Variants in ASXL3 observed in about 807,000 individuals in gnomAD.
ASXL3 encodes the protein putative Polycomb group protein ASXL3.
Under a neutral mutation model 170.6 loss-of-function variants are expected in ASXL3, and 34 were observed. That is an observed-to-expected ratio of 0.20 (90% CI 0.15 to 0.27). ASXL3 has a LOEUF of 0.27. Ranked by LOEUF, ASXL3 falls within the 10% of genes least tolerant of loss-of-function variation. The pLI, the probability that ASXL3 is intolerant of heterozygous loss-of-function variation, is 1.00. For missense variants in ASXL3, 2,592 were observed against 2,695.3 expected (o/e 0.96, Z 0.85); for synonymous variants, 1,002 against 989.1 (o/e 1.01, Z -0.24).
intron 8 of ASXL3, among the ~76,000 whole-genome samples, chr18:33,713,277 G>A (rs1370743442): frequency 9.7e-4 from 60 of 61,858 alleles, no homozygotes; most frequent in Non-Finnish European, 1.3e-3. Context: ...TTTTTTTTGA[G>A]ACAGGGTCTT....
Position 33,650,420 on chromosome 18 carries a change from C to T in ASXL3, c.355+4067C>T, listed in dbSNP as rs546242579. Reference sequence around the variant, plus strand: ...GGTGTAGAAAAGAAAAAGGCTACCACCTGAGAGCATTCCAGAGGAACCAGT... The same window carrying T: ...GGTGTAGAAAAGAAAAAGGCTACCATCTGAGAGCATTCCAGAGGAACCAGT... On this transcript the variant is annotated intron_variant, in intron 4 of 11. Transcript: ENST00000269197. Among the ~76,000 whole-genome samples, 21 of 152,098 alleles carry T rather than the reference C, an allele frequency of 1.4e-4. No homozygotes were observed. In the South Asian group the frequency reaches 2.7e-3, roughly 20 times the overall value.
chr18:33,610,663 C>T (rs1483861230), intron 2 of ASXL3, among the ~76,000 whole-genome samples: 1 of 151,992 alleles, frequency 6.6e-6, no homozygotes, highest in Non-Finnish European at 1.5e-5. Context: ...ACTCCTGGCT[C>T]TCGGCAGATA....
chr18:33,716,956 C>T (rs1218274344), intron 8 of ASXL3, among the ~76,000 whole-genome samples: 2 of 150,044 alleles, frequency 1.3e-5, no homozygotes, highest in Non-Finnish European at 3.0e-5. Context: ...TTTATATTTA[C>T]CTCTGTTCTT....
chr18:33,673,231 T>A (rs753053539), intron 7 of ASXL3, among the ~76,000 whole-genome samples: 30 of 152,110 alleles, frequency 2.0e-4, no homozygotes, highest in Non-Finnish European at 3.2e-4. Context: ...GCTACCAACC[T>A]CTGTAAAGTT....
chr18:33,714,239 A>G (rs915215288), intron 8 of ASXL3, among the ~76,000 whole-genome samples: 19 of 152,250 alleles, frequency 1.2e-4, no homozygotes, highest in African/African-American at 2.9e-4. Flanking sequence ...CTCTGTGTTC[A>G]TACTTTGTGT....
intron 2 of ASXL3, among the ~76,000 whole-genome samples, chr18:33,640,694 A>T (rs1325104742): frequency 1.3e-5 from 2 of 152,156 alleles, no homozygotes; most frequent in African/African-American, 4.8e-5. Context: ...CTCTTAAAAT[A>T]TATTCTTTAT....
intron 11 of ASXL3, among the ~76,000 whole-genome samples, chr18:33,741,771 G>T (rs1018175269): frequency 2.0e-5 from 3 of 152,130 alleles, no homozygotes; most frequent in African/African-American, 7.2e-5. Context: ...AAGTCCAAAG[G>T]CTCTAGTCAC....
intron 1 of ASXL3, among the ~76,000 whole-genome samples, chr18:33,606,042 T>C (rs2065244524): frequency 6.6e-6 from 1 of 152,056 alleles, no homozygotes; most frequent in African/African-American, 2.4e-5. Flanking sequence ...TTAAAACTTC[T>C]GTCAGCTTTT....
chr18:33,672,750 G>A (rs933665361), intron 7 of ASXL3, among the ~76,000 whole-genome samples: 1 of 152,128 alleles, frequency 6.6e-6, no homozygotes, highest in Admixed American at 6.5e-5. Flanking sequence ...TATTTGCAGA[G>A]TGTATTTGTT....
At chr18:33,679,947 T>G (rs2066488064) in intron 7 of ASXL3, among the ~76,000 whole-genome samples, 1 of 152,018 alleles carries the variant, frequency 6.6e-6, no homozygotes, top group African/African-American at 2.4e-5. Flanking sequence ...AAATACTTTT[T>G]TATTGTTGAT....
chr18:33,705,100 T>C (rs946701670), intron 8 of ASXL3, among the ~76,000 whole-genome samples: 10 of 151,770 alleles, frequency 6.6e-5, no homozygotes, highest in African/African-American at 2.4e-4. Context: ...TAGGTATATT[T>C]ATCATATTAA....
At chr18:33,643,959 T>A (rs2145197263) in intron 2 of ASXL3, among the ~76,000 whole-genome samples, 1 of 151,974 alleles carries the variant, frequency 6.6e-6, no homozygotes. Context: ...AAAATGTATA[T>A]GGATGTATAA....
chr18:33,641,863 C>T (rs2065851351), intron 2 of ASXL3: 1 of 152,406 alleles, frequency 6.6e-6, no homozygotes, highest in Admixed American at 6.6e-5. Flanking sequence ...TAAATTAAAA[C>T]TTGGATGTTT....
chr18:33,608,799 GCTGA>G (rs1171168552), intron 2 of ASXL3, among the ~76,000 whole-genome samples: 1 of 151,928 alleles, frequency 6.6e-6, no homozygotes, highest in Non-Finnish European at 1.5e-5. Flanking sequence ...TCCTTCTGAG[GCTGA>G]CTTTTTGTGA....
chr18:33,628,030 A>G (rs1332878990), intron 2 of ASXL3, among the ~76,000 whole-genome samples: 3 of 152,138 alleles, frequency 2.0e-5, no homozygotes, highest in African/African-American at 7.2e-5. Context: ...GTTCAATGTC[A>G]TTTTGGCAAA....
At chr18:33,661,473 G>A (rs2066172456) in intron 4 of ASXL3, 143 bp from the exon 5 acceptor site, 1 of 707,588 alleles carries the variant, frequency 1.4e-6, no homozygotes, top group Non-Finnish European at 2.3e-6. Context: ...TTCTTCATAT[G>A]TAGATACTAT....
chr18:33,670,502 G>A (rs1412511165), intron 5 of ASXL3, among the ~76,000 whole-genome samples, 171 bp from the exon 6 acceptor site: 1 of 152,056 alleles, frequency 6.6e-6, no homozygotes, highest in Non-Finnish European at 1.5e-5. Context: ...TGCTTTTGAG[G>A]GAAAATGACA....
intron 1 of ASXL3, among the ~76,000 whole-genome samples, chr18:33,605,234 C>T (rs998592305): frequency 3.3e-5 from 5 of 151,962 alleles, no homozygotes; most frequent in African/African-American, 7.2e-5. Context: ...TGGCTTGCCC[C>T]ACTCAGTGTA....
intron 2 of ASXL3, among the ~76,000 whole-genome samples, chr18:33,620,192 T>C (rs2065488303): frequency 6.6e-6 from 1 of 152,162 alleles, no homozygotes; most frequent in African/African-American, 2.4e-5. Context: ...TGTGGCTATC[T>C]TAAATTCATA....
Sources: gnomAD v4.1 joint callset for allele counts (sites outside exome capture counted in the v4.1 genomes callset) on GRCh38, gnomAD v4.1.1 for gene constraint, MANE v1.5 for transcripts, NCBI Gene and HGNC (gene_info 2026-07-23, HGNC 2026-07-21) for gene names.